GPC5: variants seen among roughly 807,000 people sequenced by gnomAD.
The protein encoded by GPC5 is glypican-5.
Under a neutral mutation model 53.9 loss-of-function variants are expected in GPC5, and 47 were observed. That is an observed-to-expected ratio of 0.87 (90% CI 0.69 to 1.11). The LOEUF (loss-of-function observed/expected upper bound fraction) is 1.11. Ranked by LOEUF, GPC5 falls within the 50% of genes most tolerant of loss-of-function variation. The pLI is 0.00. For synonymous variants in GPC5, 286 were observed against 263.3 expected, an observed-to-expected ratio of 1.09 and a Z score of -0.84; for missense variants, 748 against 713.1, an observed-to-expected ratio of 1.05 and a Z score of -0.56.
At chr13:91,892,253 C>T (rs1249166329) in intron 5 of GPC5, among the ~76,000 whole-genome samples, 1 of 151,772 alleles carries the variant, frequency 6.6e-6, no homozygotes, top group Non-Finnish European at 1.5e-5. Flanking sequence ...TATTTTTTCT[C>T]ATAAAAATGT....
intron 7 of GPC5, among the ~76,000 whole-genome samples, chr13:92,684,779 T>C (rs1333819130): frequency 6.6e-6 from 1 of 152,218 alleles, no homozygotes; most frequent in Non-Finnish European, 1.5e-5. Flanking sequence ...AGGAATCATA[T>C]ACTAAGAGTG....
chr13:92,272,641 G>A (rs1014680068), intron 7 of GPC5, among the ~76,000 whole-genome samples: 1 of 151,968 alleles, frequency 6.6e-6, no homozygotes, highest in African/African-American at 2.4e-5. Context: ...AGTTCAACCC[G>A]GGCCTGGGAC....
At chr13:92,263,691 A>G (rs1311734680) in intron 7 of GPC5, among the ~76,000 whole-genome samples, 1 of 152,138 alleles carries the variant, frequency 6.6e-6, no homozygotes, top group Non-Finnish European at 1.5e-5. Flanking sequence ...TGGGGACAAA[A>G]TATTAACCCA....
At chr13:92,006,744 G>C (rs868634075) in intron 6 of GPC5, among the ~76,000 whole-genome samples, 1 of 152,100 alleles carries the variant, frequency 6.6e-6, no homozygotes, top group African/African-American at 2.4e-5. Flanking sequence ...AAGAGAGAGA[G>C]ACACACACAC....
chr13:91,868,191 T>C (rs1025771868), intron 5 of GPC5, among the ~76,000 whole-genome samples: 4 of 152,310 alleles, frequency 2.6e-5, no homozygotes, highest in Admixed American at 2.6e-4. Flanking sequence ...TGTCATTCAC[T>C]GGGGCAAAAG....
In GPC5 at chr13:91,861,163, A is replaced by G. The variant is rs137944374; in HGVS notation, c.1281-46774A>G. ...GGCCTATGTTGGTGATGCTTTCAATACACAAGAAAACAATGTAAATTTAGC... is the reference window on the plus strand; with the variant it reads ...GGCCTATGTTGGTGATGCTTTCAATGCACAAGAAAACAATGTAAATTTAGC... On this transcript the variant is annotated intron_variant, in intron 5 of 7. Coordinates refer to ENST00000377067, the MANE Select transcript of GPC5 (RefSeq NM_004466.6). Among the ~76,000 whole-genome samples, 75 of 152,260 alleles carry G rather than the reference A, an allele frequency of 4.9e-4. 1 individual carries two copies. In the East Asian group the frequency reaches 0.013, roughly 26 times the overall value.
chr13:92,792,090 C>T (rs958117079), intron 7 of GPC5, among the ~76,000 whole-genome samples: 5 of 151,914 alleles, frequency 3.3e-5, no homozygotes, highest in African/African-American at 1.2e-4. Context: ...AGAAGAGCAA[C>T]CCCAAGACAC....
chr13:91,804,238 A>G (rs1324118680), intron 5 of GPC5, among the ~76,000 whole-genome samples: 1 of 152,220 alleles, frequency 6.6e-6, no homozygotes, highest in African/African-American at 2.4e-5. Context: ...AATAAAAGTT[A>G]TTCTTGATTT....
At chr13:91,944,385 C>G (rs1436766141) in intron 6 of GPC5, among the ~76,000 whole-genome samples, 2 of 152,032 alleles carry the variant, frequency 1.3e-5, no homozygotes, top group Admixed American at 1.3e-4. Flanking sequence ...CGTGAGCCAC[C>G]GCGCCCGGCC....
At chr13:92,513,090 C>T (rs772940868) in intron 7 of GPC5, among the ~76,000 whole-genome samples, 12 of 152,172 alleles carry the variant, frequency 7.9e-5, no homozygotes, top group South Asian at 2.1e-4. Flanking sequence ...GGAAAGGTCA[C>T]CGGCGGAAGG....
chr13:92,151,343 G>A (rs1047365237), intron 7 of GPC5, among the ~76,000 whole-genome samples: 5 of 152,086 alleles, frequency 3.3e-5, no homozygotes, highest in Non-Finnish European at 1.5e-5. Context: ...GCCTACAGAT[G>A]ATGTTACTAT....
chr13:91,809,767 AT>A, intron 5 of GPC5, among the ~76,000 whole-genome samples: 1 of 152,186 alleles, frequency 6.6e-6, no homozygotes, highest in South Asian at 2.1e-4. Flanking sequence ...CATATACTGA[AT>A]ATACTCTACA....
At chr13:91,824,328 A>C (rs1447943145) in intron 5 of GPC5, among the ~76,000 whole-genome samples, 2 of 152,006 alleles carry the variant, frequency 1.3e-5, no homozygotes, top group African/African-American at 4.8e-5. Context: ...TAGGGCACTA[A>C]ATTAAGGAGG....
intron 5 of GPC5, among the ~76,000 whole-genome samples, chr13:91,866,868 T>G (rs1419114387): frequency 1.3e-5 from 2 of 152,240 alleles, no homozygotes; most frequent in African/African-American, 2.4e-5. Flanking sequence ...TGATTCACTG[T>G]TTAGCTCTAT....
intron 6 of GPC5, among the ~76,000 whole-genome samples, chr13:92,143,277 T>G (rs1053157429): frequency 2.0e-5 from 3 of 152,156 alleles, no homozygotes; most frequent in African/African-American, 7.2e-5. Flanking sequence ...AATGGGATAT[T>G]TCACAATAAC....
chr13:92,531,939 T>G (rs1391591957), intron 7 of GPC5, among the ~76,000 whole-genome samples: 1 of 152,226 alleles, frequency 6.6e-6, no homozygotes, highest in Non-Finnish European at 1.5e-5. Context: ...GGACATTGGA[T>G]AGTACAGTGT....
At chr13:92,273,577 T>C (rs2042854727) in intron 7 of GPC5, among the ~76,000 whole-genome samples, 1 of 152,086 alleles carries the variant, frequency 6.6e-6, no homozygotes, top group Non-Finnish European at 1.5e-5. Context: ...GATGTGATAC[T>C]CTTACCAAAA....
chr13:92,449,453 A>G (rs532887693), intron 7 of GPC5, among the ~76,000 whole-genome samples: 1 of 152,286 alleles, frequency 6.6e-6, no homozygotes, highest in Admixed American at 6.5e-5. Flanking sequence ...CATATTATCT[A>G]TACTTTATGT....
chr13:92,300,859 G>A (rs765511656), intron 7 of GPC5, among the ~76,000 whole-genome samples: 11 of 152,200 alleles, frequency 7.2e-5, no homozygotes, highest in South Asian at 2.1e-4. Context: ...CTTTACTTTC[G>A]CTACTGTCAG....
Sources: allele counts gnomAD v4.1 joint callset (sites outside exome capture counted in the v4.1 genomes callset), GRCh38; gene constraint gnomAD v4.1.1; transcripts MANE v1.5; gene names NCBI Gene and HGNC (gene_info 2026-07-23, HGNC 2026-07-21).